The following PSMG2 variants were observed in gnomAD, a reference collection of about 807,000 sequenced individuals.
The protein encoded by PSMG2 is CD40 ligand-activated specific transcript 3.
A neutral mutation model predicts 31.5 loss-of-function variants in PSMG2; 21 were observed. That is an observed-to-expected ratio of 0.67 (90% CI 0.47 to 0.96). The LOEUF is 0.96. PSMG2 is among the 40% of genes least tolerant of loss of function. The pLI, the probability that PSMG2 is intolerant of heterozygous loss-of-function variation, is 0.00. For synonymous variants in PSMG2, 120 were observed against 110.4 expected (o/e 1.09, Z -0.54); for missense variants, 318 against 321.2 (o/e 0.99, Z 0.08).
chr18:12,710,621 T>A (rs2145138161), intron 2 of PSMG2, among the ~76,000 whole-genome samples: 1 of 152,334 alleles, frequency 6.6e-6, no homozygotes, highest in African/African-American at 2.4e-5. Context: ...TTTGTCTGAT[T>A]ACGTCCTCTT....
upstream of PSMG2, chr18:12,698,788 G>C: frequency 7.0e-6 from 4 of 575,132 alleles, no homozygotes; most frequent in Non-Finnish European, 1.2e-5. Context: ...ATAATATCCA[G>C]GGAAAATGAA....
At chr18:12,717,625 T>C (rs2040389638) in intron 3 of PSMG2, among the ~76,000 whole-genome samples, 2 of 152,216 alleles carry the variant, frequency 1.3e-5, no homozygotes, top group African/African-American at 4.8e-5. Context: ...TCCAACATAC[T>C]CAAATTTCCA....
intron 1 of PSMG2, among the ~76,000 whole-genome samples, chr18:12,664,540 A>C (rs867585805): frequency 6.6e-6 from 1 of 151,018 alleles, no homozygotes. Flanking sequence ...ACAGAGCGAG[A>C]CTCCGTCTCA....
At chr18:12,694,319 G>T (rs1007194436) in intron 1 of PSMG2, among the ~76,000 whole-genome samples, 2 of 152,198 alleles carry the variant, frequency 1.3e-5, no homozygotes, top group Non-Finnish European at 2.9e-5. Flanking sequence ...AATATGACAG[G>T]CAGGGTGGAG....
chr18:12,719,366 C>T (rs545267662), intron 4 of PSMG2, among the ~76,000 whole-genome samples: 32 of 152,236 alleles, frequency 2.1e-4, no homozygotes, highest in African/African-American at 6.3e-4. Flanking sequence ...ATATAGAATA[C>T]TCTTATACTC....
intron 1 of PSMG2, among the ~76,000 whole-genome samples, chr18:12,704,183 C>T (rs2040235679): frequency 6.6e-6 from 1 of 152,112 alleles, no homozygotes; most frequent in African/African-American, 2.4e-5. Flanking sequence ...TGATGGTCAC[C>T]TGGACAAACA....
chr18:12,722,283 G>C (rs574164302), intron 5 of PSMG2, among the ~76,000 whole-genome samples: 22 of 152,300 alleles, frequency 1.4e-4, no homozygotes, highest in Admixed American at 5.2e-4. Flanking sequence ...GCAGCACATA[G>C]CTGTCATCCC....
At chr18:12,714,968 C>T (rs933419463) in intron 3 of PSMG2, among the ~76,000 whole-genome samples, 12 of 149,806 alleles carry the variant, frequency 8.0e-5, no homozygotes, top group African/African-American at 1.2e-4. Flanking sequence ...CCCACCTCAG[C>T]CTCCCAAAGT....
intron 5 of PSMG2, among the ~76,000 whole-genome samples, chr18:12,722,849 C>G (rs2040442983): frequency 6.6e-6 from 1 of 152,214 alleles, no homozygotes; most frequent in South Asian, 2.1e-4. Flanking sequence ...CATACCCCTG[C>G]GCTTTCCAAG....
chr18:12,669,031 ACT>A (rs2038871604), intron 1 of PSMG2, among the ~76,000 whole-genome samples: 1 of 30,880 alleles, frequency 3.2e-5, no homozygotes, highest in Admixed American at 4.2e-4. Flanking sequence ...CACCCCCCGC[ACT>A]TTTTTTTTTT....
intron 1 of PSMG2, chr18:12,686,455 G>A (rs1262016048): frequency 3.1e-6 from 5 of 1,589,432 alleles, no homozygotes; most frequent in Non-Finnish European, 3.4e-6. Context: ...TTCATCCTAG[G>A]GAAAAGGGGA....
chr18:12,691,872 C>A (rs1350472142), intron 1 of PSMG2, among the ~76,000 whole-genome samples: 1 of 152,034 alleles, frequency 6.6e-6, no homozygotes, highest in Non-Finnish European at 1.5e-5. Context: ...CGTGCCACCA[C>A]ACTCAGCTAA....
At chr18:12,717,415 C>G (rs528600143) in intron 3 of PSMG2, among the ~76,000 whole-genome samples, 2 of 152,292 alleles carry the variant, frequency 1.3e-5, no homozygotes, top group Non-Finnish European at 1.5e-5. Flanking sequence ...AACCCACATT[C>G]CAGATTTACC....
intron 3 of PSMG2, among the ~76,000 whole-genome samples, chr18:12,714,804 C>G (rs968353415): frequency 4.6e-5 from 7 of 152,128 alleles, no homozygotes; most frequent in African/African-American, 1.7e-4. Flanking sequence ...CTCCTGGGTT[C>G]AAGTGATTCT....
At chr18:12,695,670 C>G (rs2039929401) in intron 1 of PSMG2, among the ~76,000 whole-genome samples, 1 of 152,052 alleles carries the variant, frequency 6.6e-6, no homozygotes, top group South Asian at 2.1e-4. Flanking sequence ...CTCAGCCTTC[C>G]AAAGTGCTTG....
chr18:12,712,411 G>A (rs892993309), intron 2 of PSMG2, among the ~76,000 whole-genome samples: 4 of 151,986 alleles, frequency 2.6e-5, no homozygotes, highest in African/African-American at 9.7e-5. Context: ...AAATTTTCAG[G>A]GGAATACTTC....
intron 1 of PSMG2, among the ~76,000 whole-genome samples, chr18:12,690,428 CAAAAAATACGTGA>C (rs2039711030): frequency 6.6e-6 from 1 of 150,970 alleles, no homozygotes; most frequent in African/African-American, 2.4e-5. Context: ...TTAGGAGTTA[CAAAAAATACGTGA>C]ACCTGACCAC....
In PSMG2 at chr18:12,725,533, C is replaced by G. The variant is rs2040468789; in HGVS notation, c.*2C>G. 4 of 1,574,422 alleles carry G rather than the reference C, an allele frequency of 2.5e-6. No individual in the cohort carries two copies. Among genetic ancestry groups the G allele is most frequent in the Non-Finnish European group, 2.6e-6 (3 of 1,145,246 alleles). On this transcript the variant is annotated 3_prime_UTR_variant, in exon 7 of 7. Coordinates refer to ENST00000317615, the MANE Select transcript of PSMG2 (RefSeq NM_020232.5). ...GGTCTTCCCCCTGCACTTTTCTGATCTAATTTCTGTTTTATACCTTATACC... is the reference window on the plus strand; with the variant it reads ...GGTCTTCCCCCTGCACTTTTCTGATGTAATTTCTGTTTTATACCTTATACC...
At chr18:12,725,413 T>C in intron 6 of PSMG2, 26 bp from the exon 7 acceptor site, 1 of 1,500,974 alleles carries the variant, frequency 6.7e-7, no homozygotes, top group African/African-American at 1.4e-5. Context: ...GTTTAAAGAT[T>C]AAAATATTTT....
Sources: allele counts gnomAD v4.1 joint callset (sites outside exome capture counted in the v4.1 genomes callset), GRCh38; gene constraint gnomAD v4.1.1; transcripts MANE v1.5; gene names NCBI Gene and HGNC (gene_info 2026-07-23, HGNC 2026-07-21).